The following ZMYND10 variants were observed in gnomAD, a reference collection of about 807,000 sequenced individuals.
ZMYND10 encodes zinc finger MYND-type containing 10.
ZMYND10 carries 52 observed loss-of-function variants against 62.6 expected under a neutral mutation model. That is an observed-to-expected ratio of 0.83 (90% CI 0.67 to 1.05). ZMYND10 has a LOEUF of 1.05. ZMYND10 is among the 50% of genes least tolerant of loss of function. The pLI is 0.00. For synonymous variants in ZMYND10, 197 were observed against 218.5 expected (o/e 0.90, Z 0.87); for missense variants, 438 against 543.3 (o/e 0.81, Z 1.93).
chr3:50,345,491 T>A lies in ZMYND10; in HGVS notation c.89A>T (p.Glu30Val), dbSNP rs1325573791. Reference sequence around the variant, plus strand: ...CCGCCTGACCCGGGTGCCTCACCCTTCGGAGCCCATCTCGCGTAGCGGGAA... The same window carrying A: ...CCGCCTGACCCGGGTGCCTCACCCTACGGAGCCCATCTCGCGTAGCGGGAA... ...RSFPLREMGS[E>V]GWNQQHENLE... The change falls in exon 1 of 12, where the codon GAA becomes GTA. Residue 30 changes from glutamate to valine, a missense_variant. Physicochemically the swap from Glu to Val is moderately radical, Grantham distance 121. Coordinates refer to ENST00000231749, the MANE Select transcript of ZMYND10 (RefSeq NM_015896.4). The surrounding 1 kb of genome is among the most constrained non-coding windows in gnomAD (Gnocchi z 5.0). 14 of 1,601,204 alleles carry A rather than the reference T, an allele frequency of 8.7e-6. No individual in the cohort carries two copies. Among genetic ancestry groups the A allele is most frequent in the Non-Finnish European group, 1.2e-5 (14 of 1,174,400 alleles).
At chr3:50,343,080 C>T in intron 6 of ZMYND10, 38 bp downstream of exon 6, 1 of 1,614,044 alleles carries the variant, frequency 6.2e-7, no homozygotes, top group Non-Finnish European at 8.5e-7. Flanking sequence ...GGTCTTCCAG[C>T]CCTCCACAGT....
At chr3:50,343,666 A>C in intron 3 of ZMYND10, 50 bp from the exon 4 acceptor site, 1 of 1,613,862 alleles carries the variant, frequency 6.2e-7, no homozygotes, top group Non-Finnish European at 8.5e-7. Flanking sequence ...AGGGGCTACC[A>C]GCTCTCCTCC....
Position 50,341,718 on chromosome 3 carries a change from G to A in ZMYND10, c.1122-19C>T. On this transcript the variant is annotated intron_variant, in intron 10 of 11. Transcript: ENST00000231749. ...AGCCCACCTGGGGGAAAGTCAGGAA[G>A]GTCTGACTGGCCCTGGAAGGTGGGG... 1 of 1,613,824 alleles carries A rather than the reference G, an allele frequency of 6.2e-7. No homozygotes were observed.
rs1377297912 is a variant in ZMYND10, at chr3:50,343,002, A to T, written c.616T>A (p.Leu206Met). The change falls in exon 7 of 12, where the codon TTG becomes ATG. Residue 206 changes from leucine (L) to methionine (M), a missense_variant. Physicochemically the swap from Leu to Met is conservative, Grantham distance 15 (BLOSUM62 2). Transcript: ENST00000231749. ...TTGTGTGTGCTAAGCATACGGCTCA[A>T]GGTGCTGAGAGAGAGGCTAGGGGCA... ...DCVDSLSLST[L>M]SRMLSTHNLP... The T allele has an allele frequency of 5.6e-6, 9 of 1,614,134 alleles. No individual in the cohort carries two copies. Among genetic ancestry groups the T allele is most frequent in the Admixed American group, 1.7e-5 (1 of 60,012 alleles).
At chr3:50,342,798 T>C (rs1703427496) in intron 7 of ZMYND10, 120 bp downstream of exon 7, 4 of 1,463,278 alleles carry the variant, frequency 2.7e-6, no homozygotes, top group Non-Finnish European at 3.7e-6. Flanking sequence ...TGAGGCATCC[T>C]GGTATCCTCA....
chr3:50,345,051 C>T lies in ZMYND10; in HGVS notation c.201+73G>A, dbSNP rs1053098422. ...TACCAGGCCAGAGGGGAAGGGCACACAGGGGACTCCGGAGGGGTAGAGTAG... is the reference window on the plus strand; with the variant it reads ...TACCAGGCCAGAGGGGAAGGGCACATAGGGGACTCCGGAGGGGTAGAGTAG... On this transcript the variant is annotated intron_variant, in intron 2 of 11. Coordinates refer to ENST00000231749, the MANE Select transcript of ZMYND10 (RefSeq NM_015896.4). This position sits in a 1 kb window ranked among gnomAD's most constrained non-coding sequence, Gnocchi z 5.0. 4 of 1,322,340 alleles carry T rather than the reference C, an allele frequency of 3.0e-6. No homozygotes were observed. In the East Asian group the frequency reaches 9.5e-5, roughly 31 times the overall value. The allele number at this position is 1,322,340 out of a possible 1,614,324, so 81.9% of individuals were successfully genotyped here. A position where few individuals can be genotyped will look rare whatever the true frequency, so the allele number is the denominator to read the frequency against.
chr3:50,345,272 C>CA lies in ZMYND10; in HGVS notation c.93-41dup. 2 of 1,596,550 alleles carry CA rather than the reference C, an allele frequency of 1.3e-6. No homozygotes were observed. The highest frequency in any genetic ancestry group is 2.2e-5 in the South Asian group (2 of 88,900). Reference sequence around the variant, plus strand: ...AAGTGCATGTGCGTCCACGTGTGTGCATTAGGAGTGGGGATGGGGGCTGGA... The same window carrying CA: ...AAGTGCATGTGCGTCCACGTGTGTGCAATTAGGAGTGGGGATGGGGGCTGGA... On this transcript the variant is annotated intron_variant, in intron 1 of 11. Transcript: ENST00000231749. The surrounding 1 kb of genome is among the most constrained non-coding windows in gnomAD (Gnocchi z 5.0).
chr3:50,342,383 G>A lies in ZMYND10; in HGVS notation c.873+14C>T, dbSNP rs771228949. 1.1e-5 allele frequency: 17 copies of A among 1,563,092 alleles called. No homozygotes were observed. The highest frequency in any genetic ancestry group is 2.7e-5 in the African/African-American group (2 of 73,434). On this transcript the variant is annotated intron_variant, in intron 8 of 11. Transcript: ENST00000231749. ...GTACTGGGGCTGTGGGGGCTGGTGC[G>A]GAGGGAGTCTGACCTTGAGTAGCCG...
rs757840907 is a variant in ZMYND10 at position 50,345,468 on chromosome 3, G to A, written c.92+20C>T. ...TCAAGGACAATGACTCCGGGACTCC[G>A]CCTGACCCGGGTGCCTCACCCTTCG... is the stretch of plus-strand genomic sequence containing the variant. On this transcript the variant is annotated intron_variant, in intron 1 of 11. Transcript: ENST00000231749. This position sits in a 1 kb window ranked among gnomAD's most constrained non-coding sequence, Gnocchi z 5.0. The A allele has an allele frequency of 1.9e-6, 3 of 1,575,192 alleles. No individual in the cohort carries two copies. The South Asian group carries it at 3.5e-5, about 18-fold the overall frequency.
chr3:50,343,083 T>TC (rs745764875), intron 6 of ZMYND10, 35 bp downstream of exon 6: 1 of 1,614,066 alleles, frequency 6.2e-7, no homozygotes, highest in South Asian at 1.1e-5. Flanking sequence ...CTTCCAGCCC[T>TC]CCACAGTAGG....
At chr3:50,342,797 C>A in intron 7 of ZMYND10, 121 bp downstream of exon 7, 1 of 1,467,900 alleles carries the variant, frequency 6.8e-7, no homozygotes. Context: ...CTGAGGCATC[C>A]TGGTATCCTC....
chr3:50,345,667 A>G lies in ZMYND10; in HGVS notation c.-88T>C. On this transcript the variant is annotated 5_prime_UTR_variant, in exon 1 of 12. Coordinates refer to ENST00000231749, the MANE Select transcript of ZMYND10 (RefSeq NM_015896.4). This position sits in a 1 kb window ranked among gnomAD's most constrained non-coding sequence, Gnocchi z 5.0. Reference sequence around the variant, plus strand: ...GGACGACGGACCCCGACGGTGCCAAAGTCTGGGACAGGACAGTTGCGGGAC... The same window carrying G: ...GGACGACGGACCCCGACGGTGCCAAGGTCTGGGACAGGACAGTTGCGGGAC... The G allele has an allele frequency of 6.5e-7, 1 of 1,539,598 alleles. No homozygotes were observed.
chr3:50,342,758 T>A, intron 7 of ZMYND10, 160 bp downstream of exon 7: 1 of 1,468,408 alleles, frequency 6.8e-7, no homozygotes, highest in East Asian at 2.5e-5. Flanking sequence ...CCTGGCCTGC[T>A]GCAGAGCTCA....
At position 50,343,004 on chromosome 3, in the gene ZMYND10, G is replaced by T; in HGVS notation, c.614C>A (p.Thr205Asn). The T allele has an allele frequency of 6.2e-7, 1 of 1,614,156 alleles. No individual in the cohort carries two copies. Among genetic ancestry groups the T allele is most frequent in the Non-Finnish European group, 8.5e-7 (1 of 1,179,998 alleles). Reference sequence around the variant, plus strand: ...GTGTGTGCTAAGCATACGGCTCAAGGTGCTGAGAGAGAGGCTAGGGGCAGG... The same window carrying T: ...GTGTGTGCTAAGCATACGGCTCAAGTTGCTGAGAGAGAGGCTAGGGGCAGG... Reference protein sequence around the residue: ...TDCVDSLSLSTLSRMLSTHNL... With the variant: ...TDCVDSLSLSNLSRMLSTHNL... The change falls in exon 7 of 12, where the codon ACC becomes AAC. Residue 205 changes from threonine (T) to asparagine (N), a missense_variant. Coordinates refer to ENST00000231749, the MANE Select transcript of ZMYND10 (RefSeq NM_015896.4).
chr3:50,343,496 A>G, intron 4 of ZMYND10, 52 bp from the exon 5 acceptor site: 1 of 1,614,070 alleles, frequency 6.2e-7, no homozygotes, highest in Non-Finnish European at 8.5e-7. Flanking sequence ...CCCCACACAG[A>G]CACAATCTCC....
chr3:50,345,511 C>G lies in ZMYND10; in HGVS notation c.69G>C (p.Pro23=). The G allele has an allele frequency of 6.2e-7, 1 of 1,607,886 alleles. No homozygotes were observed. Among genetic ancestry groups the G allele is most frequent in the Non-Finnish European group, 8.5e-7 (1 of 1,177,736 alleles). The part of the protein sequence containing the change: ...EVLVRGLRSF[P]LREMGSEGWN... ...ACCCTTCGGAGCCCATCTCGCGTAG[C>G]GGGAAGCTGCGCAGACCCCGCACCA... is the stretch of plus-strand genomic sequence containing the variant. The change falls in exon 1 of 12, where the codon CCG becomes CCC. Residue 23 remains proline, a synonymous_variant. Coordinates refer to ENST00000231749, the MANE Select transcript of ZMYND10 (RefSeq NM_015896.4). This position sits in a 1 kb window ranked among gnomAD's most constrained non-coding sequence, Gnocchi z 5.0.
Position 50,345,139 on chromosome 3 carries a change from C to A in ZMYND10, c.186G>T (p.Leu62=). The part of the protein sequence containing the change: ...VSQGEPIQEL[L]VTHGKVPTLV... Reference sequence around the variant, plus strand: ...CTCGGGGTACCTTCCCATGGGTGACCAGCAGCTCCTGAATGGGCTCGCCCT... The same window carrying A: ...CTCGGGGTACCTTCCCATGGGTGACAAGCAGCTCCTGAATGGGCTCGCCCT... The change falls in exon 2 of 12, where the codon CTG becomes CTT. Residue 62 remains leucine (L), a synonymous_variant. Transcript: ENST00000231749. The surrounding 1 kb of genome is among the most constrained non-coding windows in gnomAD (Gnocchi z 5.0). The A allele has an allele frequency of 6.2e-7, 1 of 1,613,794 alleles. No individual in the cohort carries two copies. The highest frequency in any genetic ancestry group is 1.1e-5 in the South Asian group (1 of 90,952).
Position 50,345,530 on chromosome 3 carries a change from C to T in ZMYND10, c.50G>A (p.Arg17Gln), listed in dbSNP as rs1412331599. 1 of 1,609,876 alleles carries T rather than the reference C, an allele frequency of 6.2e-7. No homozygotes were observed. ...GCGTAGCGGGAAGCTGCGCAGACCC[C>T]GCACCAGCACTTCAGCTTCCCCGGG... ...LLPGEAEVLV[R>Q]GLRSFPLREM... The change falls in exon 1 of 12, where the codon CGG (arginine) becomes CAG (glutamine). Residue 17 changes from arginine (R) to glutamine (Q), a missense_variant. Arg to Gln is a conservative substitution (Grantham distance 43, BLOSUM62 1). Coordinates refer to ENST00000231749, the MANE Select transcript of ZMYND10 (RefSeq NM_015896.4). This position sits in a 1 kb window ranked among gnomAD's most constrained non-coding sequence, Gnocchi z 5.0.
chr3:50,343,033 G>T lies in ZMYND10; in HGVS notation c.600-15C>A, dbSNP rs774249609. On this transcript the variant is annotated splice_polypyrimidine_tract_variant and intron_variant, in intron 6 of 11. Transcript: ENST00000231749. ...TGAGAGAGAGGCTAGGGGCAGGGACGTTGTGAAGGAGGTGAGTAGAGGCAG... is the reference window on the plus strand; with the variant it reads ...TGAGAGAGAGGCTAGGGGCAGGGACTTTGTGAAGGAGGTGAGTAGAGGCAG... 1.9e-6 allele frequency: 3 copies of T among 1,613,996 alleles called. No individual in the cohort carries two copies. In the Middle Eastern group the frequency reaches 5.0e-4, roughly 266 times the overall value.
Sources: allele counts gnomAD v4.1 joint callset, GRCh38; gene constraint gnomAD v4.1.1; non-coding constraint Gnocchi (gnomAD v3.1); transcripts MANE v1.5; gene names NCBI Gene and HGNC (gene_info 2026-07-23, HGNC 2026-07-21).